DSCAM: variants seen among roughly 807,000 people sequenced by gnomAD.
The protein encoded by DSCAM is cell adhesion molecule DSCAM.
DSCAM carries 47 observed loss-of-function variants against 217.7 expected under a neutral mutation model. The observed-to-expected ratio is 0.22, with a 90% CI of 0.17 to 0.28. DSCAM has a LOEUF of 0.28. Ranked by LOEUF, DSCAM falls within the 10% of genes least tolerant of loss-of-function variation. DSCAM has a pLI of 1.00. For synonymous variants in DSCAM, 1,056 were observed against 1,015.3 expected (o/e 1.04, Z -0.76); for missense variants, 2,080 against 2,618.3 (o/e 0.79, Z 4.49).
Position 40,528,504 on chromosome 21 carries a change from C to T in DSCAM, c.509-159259G>A, listed in dbSNP as rs2076417580. Among the ~76,000 whole-genome samples the T allele has an allele frequency of 2.0e-5, 3 of 152,204 alleles. No homozygotes were observed. The South Asian group carries it at 6.2e-4, about 32-fold the overall frequency. The stretch of plus-strand genomic sequence containing the variant: ...ACAGCACTAATTTAAAATATTCCTT[C>T]CAGTAAATACTGGATATTGCTCTTC... On this transcript the variant is annotated intron_variant, in intron 3 of 32. Coordinates refer to ENST00000400454, the MANE Select transcript of DSCAM (RefSeq NM_001389.5).
intron 3 of DSCAM, among the ~76,000 whole-genome samples, chr21:40,591,554 A>T (rs977518252): frequency 6.6e-6 from 1 of 152,184 alleles, no homozygotes; most frequent in Admixed American, 6.5e-5. Flanking sequence ...TGTACTTGTG[A>T]GGGTATGTTA....
intron 3 of DSCAM, among the ~76,000 whole-genome samples, chr21:40,526,818 G>GAA (rs137955920): frequency 0.028 from 4,151 of 145,722 alleles, 195 homozygotes; most frequent in African/African-American, 0.097. Context: ...AGTTAATTAA[G>GAA]AAAAAAAAAA....
intron 11 of DSCAM, among the ~76,000 whole-genome samples, chr21:40,192,619 T>C (rs888705965): frequency 6.6e-6 from 1 of 152,168 alleles, no homozygotes; most frequent in Non-Finnish European, 1.5e-5. Flanking sequence ...ACTAACACAA[T>C]ACCCGTATTA....
chr21:40,513,357 A>G (rs1356363178), intron 3 of DSCAM: 1 of 152,256 alleles, frequency 6.6e-6, no homozygotes, highest in Admixed American at 6.5e-5. Flanking sequence ...AACTATGCAT[A>G]TATGTCTTAG....
rs2076937352 is a variant in DSCAM, at chr21:40,585,335, G to GAAAAGAA, written c.508+107474_508+107475insTTCTTTT. 1.1e-4 allele frequency among the ~76,000 whole-genome samples: 6 copies of GAAAAGAA among 53,290 alleles called. 2 individuals carry two copies. Among genetic ancestry groups the GAAAAGAA allele is most frequent in the Non-Finnish European group, 3.1e-4 (6 of 19,654 alleles). The allele number at this position is 53,290 out of a possible 152,430, so 35.0% of individuals were successfully genotyped here. Reference sequence around the variant, plus strand: ...CTATTGAGTGTTAAAGAAAAATGCTGCGTGAACCCGGGAGGCGGAGCTTGC... The same window carrying GAAAAGAA: ...CTATTGAGTGTTAAAGAAAAATGCTGAAAAGAACGTGAACCCGGGAGGCGGAGCTTGC... On this transcript the variant is annotated intron_variant, in intron 3 of 32. Coordinates refer to ENST00000400454, the MANE Select transcript of DSCAM (RefSeq NM_001389.5).
intron 11 of DSCAM, among the ~76,000 whole-genome samples, chr21:40,269,422 GC>G (rs774412534): frequency 2.7e-4 from 41 of 152,300 alleles, no homozygotes; most frequent in Non-Finnish European, 4.7e-4. Flanking sequence ...ACACCCAGTG[GC>G]TTTGATGGAT....
intron 3 of DSCAM, among the ~76,000 whole-genome samples, chr21:40,526,928 G>A (rs977553658): frequency 6.6e-6 from 1 of 152,124 alleles, no homozygotes; most frequent in African/African-American, 2.4e-5. Flanking sequence ...TTGGAGCCAG[G>A]AGGTCAAGGT....
At chr21:40,381,062 CAAA>C (rs71186932) in intron 3 of DSCAM, among the ~76,000 whole-genome samples, 1 of 66,222 alleles carries the variant, frequency 1.5e-5, no homozygotes, top group African/African-American at 5.9e-5. Context: ...GACTCCGTCT[CAAA>C]AAAAAAAAAA....
chr21:40,065,555 A>T (rs1289871343), intron 27 of DSCAM, among the ~76,000 whole-genome samples: 1 of 152,126 alleles, frequency 6.6e-6, no homozygotes, highest in East Asian at 1.9e-4. Context: ...AGACGTACAC[A>T]TATTCTCTGT....
chr21:40,311,750 A>G lies in DSCAM; in HGVS notation c.2062+331T>C, dbSNP rs552189964. ...ATACTAAAAATATTATATGAATACA[A>G]TAAAGCAAAAGCTCACGGACGTTAG... On this transcript the variant is annotated intron_variant, in intron 9 of 32. Transcript: ENST00000400454. Among the ~76,000 whole-genome samples the G allele has an allele frequency of 9.9e-5, 15 of 152,280 alleles. No individual in the cohort carries two copies. In the South Asian group the frequency reaches 1.7e-3, roughly 17 times the overall value.
chr21:40,834,138 A>G (rs2092035046), intron 1 of DSCAM, among the ~76,000 whole-genome samples: 1 of 152,110 alleles, frequency 6.6e-6, no homozygotes, highest in Non-Finnish European at 1.5e-5. Flanking sequence ...CCAAAAAATA[A>G]TGAGCCTAAA....
intron 10 of DSCAM, among the ~76,000 whole-genome samples, chr21:40,290,383 G>A (rs1343944033): frequency 6.6e-6 from 1 of 152,162 alleles, no homozygotes; most frequent in Non-Finnish European, 1.5e-5. Flanking sequence ...AGCACTTTGG[G>A]AGACCGAGTT....
At chr21:40,717,497 G>A (rs1231304654) in intron 1 of DSCAM, among the ~76,000 whole-genome samples, 1 of 152,222 alleles carries the variant, frequency 6.6e-6, no homozygotes, top group Non-Finnish European at 1.5e-5. Context: ...ATATCACTCA[G>A]CAATAAACTA....
chr21:40,364,445 G>T (rs1343523117), intron 4 of DSCAM, among the ~76,000 whole-genome samples: 8 of 148,886 alleles, frequency 5.4e-5, no homozygotes, highest in African/African-American at 2.0e-4. Flanking sequence ...ACCAAACACC[G>T]CATGTTCTCA....
chr21:40,310,611 G>T (rs2074126857), intron 9 of DSCAM, among the ~76,000 whole-genome samples: 1 of 152,158 alleles, frequency 6.6e-6, no homozygotes, highest in Non-Finnish European at 1.5e-5. Flanking sequence ...TGCCTTTTCT[G>T]CAAGGGCAAG....
chr21:40,147,669 T>C (rs189581109), intron 16 of DSCAM, among the ~76,000 whole-genome samples: 17 of 152,294 alleles, frequency 1.1e-4, no homozygotes, highest in Admixed American at 1.1e-3. Context: ...TTTCAGTCTA[T>C]TTATCTAAAG....
chr21:40,401,343 A>G (rs1268816581), intron 3 of DSCAM, among the ~76,000 whole-genome samples: 2 of 152,186 alleles, frequency 1.3e-5, no homozygotes, highest in Non-Finnish European at 1.5e-5. Flanking sequence ...GGGTTGAGAT[A>G]AAATAAAACT....
intron 3 of DSCAM, among the ~76,000 whole-genome samples, chr21:40,391,983 G>C (rs1186369502): frequency 6.6e-6 from 1 of 152,226 alleles, no homozygotes; most frequent in Non-Finnish European, 1.5e-5. Context: ...AGTTCGGGCT[G>C]TGGGAACCAC....
chr21:40,598,860 T>A (rs145551947), intron 3 of DSCAM, among the ~76,000 whole-genome samples: 1 of 152,308 alleles, frequency 6.6e-6, no homozygotes, highest in African/African-American at 2.4e-5. Context: ...CATCAGCATT[T>A]GATATTGTAA....
Sources: allele counts gnomAD v4.1 joint callset (sites outside exome capture counted in the v4.1 genomes callset), GRCh38; gene constraint gnomAD v4.1.1; transcripts MANE v1.5; gene names NCBI Gene and HGNC (gene_info 2026-07-23, HGNC 2026-07-21).